The following RAPGEF2 variants were observed in gnomAD, a reference collection of about 807,000 sequenced individuals.
RAPGEF2 encodes the protein Rap guanine nucleotide exchange factor 2.
In RAPGEF2, 54 loss-of-function variants were observed where a neutral mutation model predicts 186.7. The ratio of observed to expected loss-of-function variants is 0.29; its 90% CI spans 0.23 to 0.36. The LOEUF (loss-of-function observed/expected upper bound fraction) is 0.36, where lower values mean the gene tolerates loss of function less well. Ranked by LOEUF, RAPGEF2 falls within the 10% of genes least tolerant of loss-of-function variation. The pLI, the probability that RAPGEF2 is intolerant of heterozygous loss-of-function variation, is 1.00. For synonymous variants in RAPGEF2, 712 were observed against 705.9 expected (o/e 1.01, Z -0.14); for missense variants, 1,532 against 2,045.0 (o/e 0.75, Z 4.84).
At chr4:159,220,839 A>G (rs1482909686) in intron 4 of RAPGEF2, among the ~76,000 whole-genome samples, 1 of 152,232 alleles carries the variant, frequency 6.6e-6, no homozygotes, top group Non-Finnish European at 1.5e-5. Context: ...CTGTTGGGTC[A>G]GAATTATATT....
chr4:159,150,434 A>G (rs1743420285), intron 1 of RAPGEF2, among the ~76,000 whole-genome samples: 1 of 152,180 alleles, frequency 6.6e-6, no homozygotes, highest in African/African-American at 2.4e-5. Context: ...TCGAACACAC[A>G]TATTTTCTCT....
intron 1 of RAPGEF2, among the ~76,000 whole-genome samples, chr4:159,123,224 G>A (rs772305901): frequency 1.8e-4 from 28 of 152,176 alleles, no homozygotes; most frequent in African/African-American, 2.9e-4. Context: ...TCTAATATCC[G>A]AGTTGTTCAT....
intron 1 of RAPGEF2, among the ~76,000 whole-genome samples, chr4:159,115,224 G>T (rs1328959324): frequency 6.6e-6 from 1 of 152,102 alleles, no homozygotes; most frequent in Admixed American, 6.5e-5. Flanking sequence ...GGCGTTAGAA[G>T]ATTGGATTAA....
chr4:159,237,718 A>G (rs981948320), intron 4 of RAPGEF2, among the ~76,000 whole-genome samples: 1 of 151,816 alleles, frequency 6.6e-6, no homozygotes, highest in African/African-American at 2.4e-5. Context: ...ATTACCAAAA[A>G]TTTTAATATT....
chr4:159,271,254 G>A (rs1432308574), intron 7 of RAPGEF2, among the ~76,000 whole-genome samples: 1 of 152,064 alleles, frequency 6.6e-6, no homozygotes, highest in Non-Finnish European at 1.5e-5. Flanking sequence ...ATTAAAAAAA[G>A]TTTTAAAATA....
At chr4:159,212,605 A>C (rs1750637744) in intron 4 of RAPGEF2, among the ~76,000 whole-genome samples, 1 of 152,126 alleles carries the variant, frequency 6.6e-6, no homozygotes, top group South Asian at 2.1e-4. Flanking sequence ...AAAAAGATTT[A>C]CTCTTTATAA....
chr4:159,209,293 T>A (rs1447114641), intron 3 of RAPGEF2, among the ~76,000 whole-genome samples: 2 of 148,868 alleles, frequency 1.3e-5, no homozygotes, highest in African/African-American at 2.5e-5. Flanking sequence ...AAAATAGAAA[T>A]GACTCATGAA....
At chr4:159,356,859 T>A (rs1732094906) in intron 29 of RAPGEF2, among the ~76,000 whole-genome samples, 1 of 151,982 alleles carries the variant, frequency 6.6e-6, no homozygotes, top group Non-Finnish European at 1.5e-5. Flanking sequence ...CAACAACATG[T>A]CACTGCACTC....
intron 7 of RAPGEF2, chr4:159,267,773 A>G (rs1757591488): frequency 9.9e-7 from 1 of 1,010,728 alleles, no homozygotes; most frequent in Non-Finnish European, 1.2e-6. Context: ...GTGTGCAGTC[A>G]GCCATTTTAG....
At position 159,330,435 on chromosome 4, in the gene RAPGEF2, T is replaced by C. The variant is rs1766529321; in HGVS notation, c.1404T>C (p.Ser468=). 1 of 1,609,128 alleles carries C rather than the reference T, an allele frequency of 6.2e-7. No homozygotes were observed. Among genetic ancestry groups the C allele is most frequent in the Non-Finnish European group, 8.5e-7 (1 of 1,178,728 alleles). ...DFLLTYRTFL[S]SPMEVGKKLL... is the part of the protein sequence containing the mutation. Reference sequence around the variant, plus strand: ...TGTTGACCTATAGGACTTTTCTTTCTAGCCCAATGGAAGTGGGCAAAAAGT... The same window carrying C: ...TGTTGACCTATAGGACTTTTCTTTCCAGCCCAATGGAAGTGGGCAAAAAGT... The change falls in exon 13 of 30, where the codon TCT becomes TCC. Residue 468 remains serine (S), a synonymous_variant. Coordinates refer to ENST00000691494, the MANE Select transcript of RAPGEF2 (RefSeq NM_001394067.2).
At chr4:159,285,481 A>G (rs1760334159) in intron 7 of RAPGEF2, among the ~76,000 whole-genome samples, 1 of 152,224 alleles carries the variant, frequency 6.6e-6, no homozygotes, top group African/African-American at 2.4e-5. Context: ...TCAAATGACA[A>G]ATATCTATCC....
In RAPGEF2 at chr4:159,274,364, A is replaced by G. The variant is rs1204089603; in HGVS notation, c.544-29978A>G. Among the ~76,000 whole-genome samples, 3 of 152,288 alleles carry G rather than the reference A, an allele frequency of 2.0e-5. No individual in the cohort carries two copies. The East Asian group carries it at 5.8e-4, about 29-fold the overall frequency. On this transcript the variant is annotated intron_variant, in intron 7 of 29. Transcript: ENST00000691494. ...AAGCCTTTTCAATTTAGATCAAATA[A>G]CTTTAATCATTATATATTTTATTTG...
intron 4 of RAPGEF2, among the ~76,000 whole-genome samples, chr4:159,220,575 A>G (rs1751434780): frequency 6.6e-6 from 1 of 152,158 alleles, no homozygotes; most frequent in Non-Finnish European, 1.5e-5. Flanking sequence ...CACGCTCTAC[A>G]GTTACTGATC....
intron 14 of RAPGEF2, 25 bp from the exon 15 acceptor site, chr4:159,331,605 C>T (rs1334085094): frequency 1.2e-6 from 2 of 1,612,824 alleles, no homozygotes; most frequent in Non-Finnish European, 8.5e-7. Flanking sequence ...CTTGAGTTGA[C>T]ACTACTGTTT....
At chr4:159,200,182 A>T (rs1579446124) in intron 3 of RAPGEF2, among the ~76,000 whole-genome samples, 1 of 152,282 alleles carries the variant, frequency 6.6e-6, no homozygotes, top group East Asian at 1.9e-4. Flanking sequence ...TAAATTTAAG[A>T]TTGTGCCAGG....
intron 25 of RAPGEF2, among the ~76,000 whole-genome samples, chr4:159,347,749 A>G (rs1730541139): frequency 6.6e-6 from 1 of 152,206 alleles, no homozygotes; most frequent in Non-Finnish European, 1.5e-5. Flanking sequence ...GCACCGCTGC[A>G]CTCCTCCAGC....
At chr4:159,172,451 C>T (rs112172175) in intron 1 of RAPGEF2, among the ~76,000 whole-genome samples, 162 of 152,294 alleles carry the variant, frequency 1.1e-3, no homozygotes, top group African/African-American at 3.7e-3. Flanking sequence ...GATATTCACT[C>T]TTACCACCCC....
intron 16 of RAPGEF2, 76 bp downstream of exon 16, chr4:159,332,110 T>C (rs1766759556): frequency 1.0e-6 from 1 of 956,604 alleles, no homozygotes; most frequent in Non-Finnish European, 1.6e-6. Context: ...TAAGAAAGCA[T>C]ATATGGTAAA....
At chr4:159,277,719 GTCT>G (rs1257767466) in intron 7 of RAPGEF2, among the ~76,000 whole-genome samples, 1 of 152,180 alleles carries the variant, frequency 6.6e-6, no homozygotes, top group Non-Finnish European at 1.5e-5. Flanking sequence ...CTGCATAAAT[GTCT>G]TCTTTTGTGA....
Sources: allele counts gnomAD v4.1 joint callset (sites outside exome capture counted in the v4.1 genomes callset), GRCh38; gene constraint gnomAD v4.1.1; transcripts MANE v1.5; gene names NCBI Gene and HGNC (gene_info 2026-07-23, HGNC 2026-07-21).